Variants in RAB38 observed in about 807,000 individuals in gnomAD.
The protein encoded by RAB38 is RAB38, member RAS oncogene family.
RAB38 carries 15 observed loss-of-function variants against 18.4 expected under a neutral mutation model. That is an observed-to-expected ratio of 0.82 (90% CI 0.55 to 1.26). The LOEUF is 1.26. Ranked by LOEUF, RAB38 falls within the 50% of genes most tolerant of loss-of-function variation. The probability of loss-of-function intolerance (pLI) is 0.00; values close to 1 mark genes in which losing one functional copy is unlikely to be tolerated. For missense variants in RAB38, 294 were observed against 267.4 expected (o/e 1.10, Z -0.69); for synonymous variants, 101 against 104.4 (o/e 0.97, Z 0.20).
chr11:87,937,310 TCATATATATATA>T, the RAB38 span, among the ~76,000 whole-genome samples: 1 of 55,552 alleles, frequency 1.8e-5, no homozygotes, highest in Non-Finnish European at 3.3e-5. Flanking sequence ...TACTTGGTCA[TCATATATATATA>T]TATATATATA....
At chr11:88,119,102 T>A (rs1565208818) in intron 2 of RAB38, among the ~76,000 whole-genome samples, 1 of 152,162 alleles carries the variant, frequency 6.6e-6, no homozygotes, top group Admixed American at 6.5e-5. Context: ...ATTTAGAAAT[T>A]ATAACTTCTC....
At chr11:88,078,501 A>ATATGTGTGTGTGTGTG in the RAB38 span, among the ~76,000 whole-genome samples, 8,866 of 148,668 alleles carry the variant, frequency 0.06, 451 homozygotes, top group African/African-American at 0.14. Context: ...GTGTGTATAT[A>ATATGTGTGTGTGTGTG]TGTGTGTGTG....
the RAB38 span, among the ~76,000 whole-genome samples, chr11:87,896,211 A>G: frequency 6.6e-6 from 1 of 151,668 alleles, no homozygotes; most frequent in Non-Finnish European, 1.5e-5. Context: ...CCATAGCCAA[A>G]TTGCAAGCCC....
chr11:87,978,181 T>G, the RAB38 span, among the ~76,000 whole-genome samples: 1 of 24,748 alleles, frequency 4.0e-5, no homozygotes, highest in African/African-American at 1.4e-4. Context: ...TATATATACA[T>G]CATATATAAA....
the RAB38 span, among the ~76,000 whole-genome samples, chr11:88,027,051 T>C: frequency 6.6e-6 from 1 of 152,214 alleles, no homozygotes; most frequent in Admixed American, 6.5e-5. Context: ...CATGCATTAA[T>C]TCAAAAATAT....
the RAB38 span, among the ~76,000 whole-genome samples, chr11:87,840,676 A>G: frequency 6.6e-6 from 1 of 152,336 alleles, no homozygotes; most frequent in East Asian, 1.9e-4. Context: ...TCCCAAAGAC[A>G]GAAATGTGTT....
At chr11:87,838,300 G>A in the RAB38 span, among the ~76,000 whole-genome samples, 2 of 151,892 alleles carry the variant, frequency 1.3e-5, no homozygotes, top group Non-Finnish European at 2.9e-5. Context: ...ATTTTTAGTA[G>A]AGACGGAGTT....
intron 2 of RAB38, among the ~76,000 whole-genome samples, chr11:88,114,930 T>G (rs577313419): frequency 2.3e-4 from 35 of 152,260 alleles, no homozygotes; most frequent in African/African-American, 7.9e-4. Flanking sequence ...CCTGGCATTA[T>G]CTAGACATTC....
chr11:87,974,481 G>A, the RAB38 span, among the ~76,000 whole-genome samples: 2 of 151,796 alleles, frequency 1.3e-5, no homozygotes, highest in Non-Finnish European at 2.9e-5. Flanking sequence ...AAACCTCAGT[G>A]ACTTGTGAGG....
chr11:87,967,876 G>T, the RAB38 span, among the ~76,000 whole-genome samples: 20 of 152,162 alleles, frequency 1.3e-4, no homozygotes, highest in Non-Finnish European at 2.5e-4. Context: ...GCCCTGCGGT[G>T]GGTAGGAGGG....
At chr11:88,153,573 T>C (rs1318424618) in intron 1 of RAB38, among the ~76,000 whole-genome samples, 2 of 152,190 alleles carry the variant, frequency 1.3e-5, no homozygotes, top group Non-Finnish European at 2.9e-5. Context: ...TCTCAGTATC[T>C]AGGCTCTCAT....
intron 1 of RAB38, among the ~76,000 whole-genome samples, chr11:88,158,456 TGACA>T: frequency 6.6e-6 from 1 of 152,032 alleles, no homozygotes; most frequent in African/African-American, 2.4e-5. Flanking sequence ...TACCAAAATC[TGACA>T]GACACAATGA....
intron 2 of RAB38, among the ~76,000 whole-genome samples, chr11:88,120,826 C>T (rs1392767016): frequency 6.6e-6 from 1 of 152,194 alleles, no homozygotes; most frequent in Non-Finnish European, 1.5e-5. Context: ...AGTTCTCCCT[C>T]CCATCACCCT....
At chr11:88,063,849 T>A in the RAB38 span, among the ~76,000 whole-genome samples, 1 of 152,148 alleles carries the variant, frequency 6.6e-6, no homozygotes, top group Non-Finnish European at 1.5e-5. Flanking sequence ...GAACTGTGAG[T>A]CAATTAAACC....
chr11:87,956,394 A>C, the RAB38 span, among the ~76,000 whole-genome samples: 1 of 152,186 alleles, frequency 6.6e-6, no homozygotes, highest in Non-Finnish European at 1.5e-5. Flanking sequence ...GAGACCACTC[A>C]CATGCAAGCT....
chr11:87,942,681 C>T, the RAB38 span, among the ~76,000 whole-genome samples: 2 of 152,066 alleles, frequency 1.3e-5, no homozygotes, highest in African/African-American at 4.8e-5. Flanking sequence ...CTAGGGAGTA[C>T]CTACAGGAGT....
At chr11:87,953,112 A>T in the RAB38 span, among the ~76,000 whole-genome samples, 2 of 152,206 alleles carry the variant, frequency 1.3e-5, no homozygotes, top group African/African-American at 4.8e-5. Context: ...TTCATCTAAT[A>T]AATATTTACT....
intron 2 of RAB38, among the ~76,000 whole-genome samples, chr11:88,116,597 T>C (rs1444972251): frequency 1.3e-5 from 2 of 152,348 alleles, no homozygotes; most frequent in East Asian, 1.9e-4. Flanking sequence ...TTTGCTAAGC[T>C]GCATTCCTTT....
chr11:88,112,097 T>C (rs1942481285), downstream of RAB38, among the ~76,000 whole-genome samples: 1 of 152,224 alleles, frequency 6.6e-6, no homozygotes, highest in Non-Finnish European at 1.5e-5. Context: ...AAGTAGAGTA[T>C]CTATTATCCG....
Sources: allele counts gnomAD v4.1 joint callset (sites outside exome capture counted in the v4.1 genomes callset), GRCh38; gene constraint gnomAD v4.1.1; transcripts MANE v1.5; gene names NCBI Gene and HGNC (gene_info 2026-07-23, HGNC 2026-07-21).